The following RASA1 variants were observed in gnomAD, a reference collection of about 807,000 sequenced individuals.
RASA1 encodes RAS p21 protein activator 1.
RASA1 carries 25 observed loss-of-function variants against 132.2 expected under a neutral mutation model. The observed-to-expected ratio is 0.19, with a 90% confidence interval of 0.14 to 0.26. RASA1 has a LOEUF of 0.26. RASA1 is among the 10% of genes least tolerant of loss of function. The probability of loss-of-function intolerance (pLI) is 1.00; values close to 1 mark genes in which losing one functional copy is unlikely to be tolerated. For synonymous variants in RASA1, 477 were observed against 449.9 expected (o/e 1.06, Z -0.76); for missense variants, 964 against 1,299.2 (o/e 0.74, Z 3.97).
chr5:87,297,774 T>C (rs528609734), intron 1 of RASA1, among the ~76,000 whole-genome samples: 10 of 152,350 alleles, frequency 6.6e-5, no homozygotes, highest in African/African-American at 2.4e-4. Context: ...GTAGAGCTCC[T>C]GGAGGTAAAA....
chr5:87,349,595 A>C (rs1031832373), intron 8 of RASA1, among the ~76,000 whole-genome samples: 1 of 151,972 alleles, frequency 6.6e-6, no homozygotes, highest in African/African-American at 2.4e-5. Flanking sequence ...TTGTGATTTT[A>C]AAAATTAGAC....
intron 21 of RASA1, among the ~76,000 whole-genome samples, chr5:87,384,265 T>C (rs79015578): frequency 0.013 from 2,005 of 152,230 alleles, 32 homozygotes; most frequent in African/African-American, 0.045. Flanking sequence ...ATAGTGTAAA[T>C]TGGCCATTTT....
intron 1 of RASA1, among the ~76,000 whole-genome samples, chr5:87,278,610 G>A (rs948950166): frequency 1.3e-5 from 2 of 152,036 alleles, no homozygotes; most frequent in Non-Finnish European, 2.9e-5. Context: ...TACCTCAGTG[G>A]TAACATCTTG....
chr5:87,307,585 T>A (rs1052162479), intron 1 of RASA1, among the ~76,000 whole-genome samples: 99 of 152,356 alleles, frequency 6.5e-4, no homozygotes, highest in African/African-American at 2.2e-3. Flanking sequence ...ATCATTAAAT[T>A]CCATCTTTAT....
At chr5:87,294,020 C>T (rs183086404) in intron 1 of RASA1, among the ~76,000 whole-genome samples, 21 of 151,976 alleles carry the variant, frequency 1.4e-4, no homozygotes, top group Admixed American at 6.6e-4. Context: ...AGAAAAGTTA[C>T]TTTTGGGTTT....
intron 21 of RASA1, among the ~76,000 whole-genome samples, chr5:87,384,626 C>T (rs1761943086): frequency 6.6e-6 from 1 of 152,046 alleles, no homozygotes; most frequent in Admixed American, 6.6e-5. Context: ...TCAGACAACA[C>T]CATCTAAAAC....
At chr5:87,364,261 CTTCTT>C (rs1425835399) in intron 11 of RASA1, among the ~76,000 whole-genome samples, 3 of 152,092 alleles carry the variant, frequency 2.0e-5, no homozygotes, top group Non-Finnish European at 4.4e-5. Context: ...AAATATTTCT[CTTCTT>C]TAAGAGAAAT....
At chr5:87,352,074 T>C (rs1759315376) in intron 8 of RASA1, among the ~76,000 whole-genome samples, 1 of 151,522 alleles carries the variant, frequency 6.6e-6, no homozygotes, top group African/African-American at 2.4e-5. Flanking sequence ...TATATGGTAT[T>C]AGATTTTTTT....
In RASA1 at chr5:87,268,821, C is replaced by T. The variant is rs200883284; in HGVS notation, c.370C>T (p.Leu124Phe). Residue 124 changes from leucine to phenylalanine, a missense_variant, in exon 1 of 25, where the codon CTT becomes TTT. Leu to Phe is a conservative substitution (Grantham distance 22). Coordinates refer to ENST00000274376, the MANE Select transcript of RASA1 (RefSeq NM_002890.3). ...TCTCACCAAACTGCCCACTTCGTTG[C>T]TTGCTGAGACTCTCGGGCCAGGCGG... ...MALTKLPTSL[L>F]AETLGPGGGF... The T allele has an allele frequency of 4.4e-5, 71 of 1,613,994 alleles. No homozygotes were observed. The highest frequency in any genetic ancestry group is 5.8e-5 in the Non-Finnish European group (69 of 1,180,024).
intron 11 of RASA1, 92 bp downstream of exon 11, chr5:87,363,596 ATCT>A: frequency 7.0e-7 from 1 of 1,423,440 alleles, no homozygotes; most frequent in Non-Finnish European, 9.8e-7. Context: ...CCCTAAAATC[ATCT>A]TCTAAAAGTA....
rs998465338 is a variant in RASA1 at position 87,286,800 on chromosome 5, G to T, written c.539+17810G>T. ...CACCTGTGACCCAGTATACACATAT[G>T]CATAAACGTATACACACACACACTC... On this transcript the variant is annotated intron_variant, in intron 1 of 24. Transcript: ENST00000274376. Among the ~76,000 whole-genome samples the T allele has an allele frequency of 1.4e-4, 21 of 150,362 alleles. No individual in the cohort carries two copies. The East Asian group carries it at 4.1e-3, about 29-fold the overall frequency.
intron 1 of RASA1, among the ~76,000 whole-genome samples, chr5:87,272,344 T>C (rs1753882096): frequency 6.6e-6 from 1 of 152,188 alleles, no homozygotes. Flanking sequence ...ACAAATTTCC[T>C]TCTTATTTCA....
chr5:87,363,968 C>G (rs569458264), intron 11 of RASA1, among the ~76,000 whole-genome samples: 1 of 152,158 alleles, frequency 6.6e-6, no homozygotes, highest in South Asian at 2.1e-4. Context: ...ATGTTGACTT[C>G]TTGGTTTTGA....
chr5:87,343,473 A>T (rs548146060), intron 6 of RASA1, among the ~76,000 whole-genome samples: 22 of 152,286 alleles, frequency 1.4e-4, no homozygotes, highest in Admixed American at 7.8e-4. Flanking sequence ...AATGCTCACC[A>T]TTCATTACTA....
intron 9 of RASA1, among the ~76,000 whole-genome samples, chr5:87,357,936 A>G (rs1307783947): frequency 6.6e-6 from 1 of 152,210 alleles, no homozygotes; most frequent in Non-Finnish European, 1.5e-5. Flanking sequence ...AGAAACTATT[A>G]AGTGCTATTT....
At position 87,300,159 on chromosome 5, in the gene RASA1, C is replaced by CG. The variant is rs553837140; in HGVS notation, c.539+31172dup. Among the ~76,000 whole-genome samples, 42 of 152,068 alleles carry CG rather than the reference C, an allele frequency of 2.8e-4. No homozygotes were observed. In the East Asian group the frequency reaches 6.8e-3, roughly 24 times the overall value. ...CAAAGGAGAGAGGATTGCATGAGCC[C>CG]GGGAGTTAGAGACCAAACCGAGCAA... On this transcript the variant is annotated intron_variant, in intron 1 of 24. Transcript: ENST00000274376.
intron 1 of RASA1, among the ~76,000 whole-genome samples, chr5:87,309,237 T>C (rs1755757400): frequency 6.6e-6 from 1 of 152,060 alleles, no homozygotes; most frequent in African/African-American, 2.4e-5. Flanking sequence ...TGTTGCTCTG[T>C]AGGTTATATT....
chr5:87,347,459 A>T (rs1758944883), intron 7 of RASA1, among the ~76,000 whole-genome samples: 1 of 152,044 alleles, frequency 6.6e-6, no homozygotes, highest in African/African-American at 2.4e-5. Flanking sequence ...ACATCTTATA[A>T]AGATTTCAGA....
intron 1 of RASA1, among the ~76,000 whole-genome samples, chr5:87,279,626 G>A (rs1033405971): frequency 2.6e-5 from 4 of 152,302 alleles, no homozygotes; most frequent in Admixed American, 2.6e-4. Flanking sequence ...CACCAGCAAT[G>A]TGTGAAAGAT....
Sources: allele counts gnomAD v4.1 joint callset (sites outside exome capture counted in the v4.1 genomes callset), GRCh38; gene constraint gnomAD v4.1.1; transcripts MANE v1.5; gene names NCBI Gene and HGNC (gene_info 2026-07-23, HGNC 2026-07-21).